FARP1: variants seen among roughly 807,000 people sequenced by gnomAD.
The protein encoded by FARP1 is FERM, ARHGEF and pleckstrin domain-containing protein 1.
In FARP1, 52 loss-of-function variants were observed where a neutral mutation model predicts 128.8. That is an observed-to-expected ratio of 0.40 (90% CI 0.32 to 0.51). The LOEUF is 0.51. Ranked by LOEUF, FARP1 falls within the 20% of genes least tolerant of loss-of-function variation. The probability of loss-of-function intolerance (pLI) is 0.45; values close to 1 mark genes in which losing one functional copy is unlikely to be tolerated. For synonymous variants in FARP1, 580 were observed against 551.8 expected, an observed-to-expected ratio of 1.05 and a Z score of -0.72; for missense variants, 1,333 against 1,367.9, an observed-to-expected ratio of 0.97 and a Z score of 0.40.
At position 98,365,411 on chromosome 13, in the gene FARP1, T is replaced by TA. The variant is rs754156302; in HGVS notation, c.297dup (p.Pro100ThrfsTer7). ...CCCTTCTAGGTGTGGCTGGATCTCC[T>TA]AAAACCCATTGTGAAACAGATTAGA... On this transcript the variant is annotated frameshift_variant, in exon 4 of 27. Transcript: ENST00000319562. LOFTEE classifies it high-confidence loss of function. 1 of 1,610,430 alleles carries TA rather than the reference T, an allele frequency of 6.2e-7. No homozygotes were observed.
chr13:98,266,095 G>T (rs767539073), intron 2 of FARP1, among the ~76,000 whole-genome samples: 7 of 151,992 alleles, frequency 4.6e-5, no homozygotes, highest in Non-Finnish European at 7.4e-5. Flanking sequence ...AGGGCAAAAT[G>T]GGTGTCAGTG....
At chr13:98,318,936 C>T (rs1474685828) in intron 2 of FARP1, among the ~76,000 whole-genome samples, 1 of 144,980 alleles carries the variant, frequency 6.9e-6, no homozygotes, top group Non-Finnish European at 1.5e-5. Context: ...TCCTTTGGAG[C>T]TTAGTTTTTT....
At chr13:98,446,611 C>T in intron 25 of FARP1, 55 bp from the exon 26 acceptor site, 1 of 1,583,660 alleles carries the variant, frequency 6.3e-7, no homozygotes. Context: ...AGCAGCCAGG[C>T]CCAGCAGCAG....
chr13:98,208,745 C>G (rs189266901), intron 1 of FARP1: 3 of 152,718 alleles, frequency 2.0e-5, no homozygotes, highest in African/African-American at 4.8e-5. Context: ...AGGACACGCC[C>G]TTTTAGGCCC....
At chr13:98,151,650 T>G (rs1876008003) in intron 1 of FARP1, among the ~76,000 whole-genome samples, 1 of 136,840 alleles carries the variant, frequency 7.3e-6, no homozygotes, top group African/African-American at 2.6e-5. Context: ...TGCCCTTATA[T>G]ATCTTCCATC....
chr13:98,241,887 A>G (rs1157867893), intron 2 of FARP1, among the ~76,000 whole-genome samples: 1 of 152,098 alleles, frequency 6.6e-6, no homozygotes, highest in Non-Finnish European at 1.5e-5. Flanking sequence ...CCACTGCACA[A>G]CAGCCTGGGC....
chr13:98,447,800 G>A, intron 26 of FARP1: 1 of 169,872 alleles, frequency 5.9e-6, no homozygotes, highest in Non-Finnish European at 1.3e-5. Context: ...GGCGATAACT[G>A]CACCACTGAA....
At chr13:98,274,060 C>CT (rs1884514774) in intron 2 of FARP1, among the ~76,000 whole-genome samples, 1 of 152,132 alleles carries the variant, frequency 6.6e-6, no homozygotes, top group Non-Finnish European at 1.5e-5. Context: ...AGGGGACAGA[C>CT]TTTTCAGGGC....
chr13:98,282,998 A>G (rs749896244), intron 2 of FARP1, among the ~76,000 whole-genome samples: 2 of 152,208 alleles, frequency 1.3e-5, no homozygotes, highest in Non-Finnish European at 2.9e-5. Context: ...ATGTCATTAT[A>G]CCTACTATCT....
At chr13:98,195,387 GTTT>G (rs1373102338) in intron 1 of FARP1, among the ~76,000 whole-genome samples, 1 of 152,156 alleles carries the variant, frequency 6.6e-6, no homozygotes, top group African/African-American at 2.4e-5. Context: ...CTGTTTGTTT[GTTT>G]GTTTGGTTGG....
chr13:98,205,134 A>G (rs1880191424), intron 1 of FARP1, among the ~76,000 whole-genome samples: 2 of 152,152 alleles, frequency 1.3e-5, no homozygotes, highest in Non-Finnish European at 2.9e-5. Flanking sequence ...TGCCCAAATG[A>G]TTCCTTCCTA....
At position 98,380,159 on chromosome 13, in the gene FARP1, G is replaced by C. The variant is rs763648578; in HGVS notation, c.496+2241G>C. On this transcript the variant is annotated intron_variant, in intron 6 of 26. Transcript: ENST00000319562. ...TAAAGGTCTGTTACACTAAAGAGTA[G>C]ATTTTGGCCAGGCATGGTGGCTCAC... Among the ~76,000 whole-genome samples the C allele has an allele frequency of 3.3e-5, 5 of 152,068 alleles. 1 individual carries two copies. Among genetic ancestry groups the C allele is most frequent in the Non-Finnish European group, 7.4e-5 (5 of 68,000 alleles).
At chr13:98,420,332 G>A (rs1455401094) in intron 16 of FARP1, among the ~76,000 whole-genome samples, 5 of 152,154 alleles carry the variant, frequency 3.3e-5, no homozygotes, top group Non-Finnish European at 7.4e-5. Context: ...GGGGGGTGAT[G>A]GGCAGAATAC....
At chr13:98,146,856 A>C (rs1426740212) in intron 1 of FARP1, among the ~76,000 whole-genome samples, 1 of 152,188 alleles carries the variant, frequency 6.6e-6, no homozygotes, top group East Asian at 1.9e-4. Flanking sequence ...TTGAATGGGA[A>C]GCAGCGGATC....
chr13:98,409,657 T>C, intron 14 of FARP1, 132 bp downstream of exon 14: 2 of 706,574 alleles, frequency 2.8e-6, no homozygotes, highest in Non-Finnish European at 4.3e-6. Context: ...TACAGCTTGC[T>C]GGCATTAAGT....
chr13:98,219,426 C>G (rs1212657689), intron 2 of FARP1, among the ~76,000 whole-genome samples: 1 of 151,830 alleles, frequency 6.6e-6, no homozygotes, highest in Admixed American at 6.6e-5. Context: ...ATGATCATAG[C>G]TCACTGCAGC....
At chr13:98,177,113 C>G (rs1018161527) in intron 1 of FARP1, 2 of 1,601,800 alleles carry the variant, frequency 1.2e-6, no homozygotes, top group Non-Finnish European at 1.7e-6. Context: ...TCTCCGTGCT[C>G]GGGGTCGCAG....
chr13:98,327,303 T>C (rs149872245), intron 2 of FARP1, among the ~76,000 whole-genome samples: 2 of 152,342 alleles, frequency 1.3e-5, no homozygotes, highest in East Asian at 1.9e-4. Flanking sequence ...ACAGGATTTT[T>C]TTTAAAATGT....
In FARP1 at chr13:98,216,814, CTT is replaced by C. The variant is rs1594282679; in HGVS notation, c.171+3405_171+3406del. 2.6e-5 allele frequency among the ~76,000 whole-genome samples: 4 copies of C among 152,184 alleles called. No individual in the cohort carries two copies. The East Asian group carries it at 7.7e-4, about 29-fold the overall frequency. ...ACCTCTGTGGTTGAACTTGGACTGT[CTT>C]TTTAGGTATTTCCTCTGCAGAGTGG... On this transcript the variant is annotated intron_variant, in intron 2 of 26. Coordinates refer to ENST00000319562, the MANE Select transcript of FARP1 (RefSeq NM_005766.4).
Sources: gnomAD v4.1 joint callset for allele counts (sites outside exome capture counted in the v4.1 genomes callset) on GRCh38, gnomAD v4.1.1 for gene constraint, MANE v1.5 for transcripts, NCBI Gene and HGNC (gene_info 2026-07-23, HGNC 2026-07-21) for gene names.